Variants in PRKN observed in about 807,000 individuals in gnomAD.
The protein encoded by PRKN is E3 ubiquitin-protein ligase parkin.
Under a neutral mutation model 59.5 loss-of-function variants are expected in PRKN, and 56 were observed. The ratio of observed to expected loss-of-function variants is 0.94; its 90% confidence interval spans 0.76 to 1.18. PRKN has a LOEUF of 1.18. Ranked by LOEUF, PRKN falls within the 50% of genes most tolerant of loss-of-function variation. The pLI is 0.00. For synonymous variants in PRKN, 250 were observed against 222.1 expected, an observed-to-expected ratio of 1.13 and a Z score of -1.12; for missense variants, 657 against 596.4, an observed-to-expected ratio of 1.10 and a Z score of -1.06.
chr6:161,912,157 G>A (rs995318256), intron 6 of PRKN, among the ~76,000 whole-genome samples: 11 of 148,418 alleles, frequency 7.4e-5, no homozygotes, highest in Admixed American at 5.4e-4. Flanking sequence ...CAGCCTGGAC[G>A]ACAGAGGAGA....
At position 162,306,912 on chromosome 6, in the gene PRKN, G is replaced by C. The variant is rs562111429; in HGVS notation, c.172-44147C>G. Reference sequence around the variant, plus strand: ...ATGGACACGATCACCAGTGTGTCCAGGTGTGTTGTTTAACTCAAGTGAAAA... The same window carrying C: ...ATGGACACGATCACCAGTGTGTCCACGTGTGTTGTTTAACTCAAGTGAAAA... On this transcript the variant is annotated intron_variant, in intron 2 of 11. Transcript: ENST00000366898. Among the ~76,000 whole-genome samples the C allele has an allele frequency of 1.4e-4, 22 of 152,270 alleles. 1 individual carries two copies. In the East Asian group the frequency reaches 3.9e-3, roughly 27 times the overall value.
intron 5 of PRKN, among the ~76,000 whole-genome samples, chr6:161,981,950 C>T (rs542837385): frequency 1.3e-4 from 20 of 152,164 alleles, no homozygotes; most frequent in Non-Finnish European, 2.4e-4. Context: ...AATCAATATA[C>T]TCCACACAAA....
At chr6:161,962,726 G>A (rs1016991176) in intron 6 of PRKN, among the ~76,000 whole-genome samples, 29 of 151,748 alleles carry the variant, frequency 1.9e-4, no homozygotes, top group African/African-American at 2.7e-4. Flanking sequence ...TAGTAGAGAC[G>A]GGGGTTTGCC....
intron 1 of PRKN, among the ~76,000 whole-genome samples, chr6:162,721,454 T>C (rs911665793): frequency 1.3e-5 from 2 of 152,216 alleles, no homozygotes; most frequent in African/African-American, 4.8e-5. Context: ...ACTTTAAACC[T>C]ACCTCCTTGA....
chr6:162,432,941 G>A (rs1023072109), intron 2 of PRKN, among the ~76,000 whole-genome samples: 6 of 152,072 alleles, frequency 3.9e-5, no homozygotes, highest in Non-Finnish European at 7.4e-5. Context: ...CATTAGAATA[G>A]AATATAGTAT....
chr6:161,996,345 T>G (rs2128260704), intron 5 of PRKN, among the ~76,000 whole-genome samples: 1 of 152,302 alleles, frequency 6.6e-6, no homozygotes, highest in East Asian at 1.9e-4. Context: ...CCCATTCTGG[T>G]TACTGGACCT....
chr6:162,095,864 G>T (rs1426004399), intron 4 of PRKN, among the ~76,000 whole-genome samples: 1 of 152,116 alleles, frequency 6.6e-6, no homozygotes, highest in Admixed American at 6.6e-5. Context: ...TTCCTCATCT[G>T]TAAAATAAGG....
In PRKN at chr6:161,549,927, G is replaced by A. The variant is rs1213153557; in HGVS notation, c.934-924C>T. On this transcript the variant is annotated intron_variant, in intron 8 of 11. Transcript: ENST00000366898. This position sits in a 1 kb window ranked among gnomAD's most constrained non-coding sequence, Gnocchi z 6.0. Reference sequence around the variant, plus strand: ...AATACCGAGAGGTTAGAATGTCTAGGATTTCCAATGGTGCTAAGTGAGGAA... The same window carrying A: ...AATACCGAGAGGTTAGAATGTCTAGAATTTCCAATGGTGCTAAGTGAGGAA... 6.6e-6 allele frequency among the ~76,000 whole-genome samples: 1 copy of A among 152,192 alleles called. No individual in the cohort carries two copies. The highest frequency in any genetic ancestry group is 1.5e-5 in the Non-Finnish European group (1 of 68,046).
chr6:162,084,980 G>T (rs1050891109), intron 4 of PRKN, among the ~76,000 whole-genome samples: 2 of 151,456 alleles, frequency 1.3e-5, no homozygotes, highest in African/African-American at 2.4e-5. Context: ...AACAAAAAAG[G>T]TTAAAGTGAC....
In PRKN at chr6:161,417,083, T is replaced by A. The variant is rs927659739; in HGVS notation, c.1084-30206A>T. ...TCACCCCTCATTCAAGCTCCAGACC[T>A]GGGCCAAGAGCAAGAAGAGAGCTTG... is the stretch of plus-strand genomic sequence containing the variant. On this transcript the variant is annotated intron_variant, in intron 9 of 11. Transcript: ENST00000366898. This position sits in a 1 kb window ranked among gnomAD's most constrained non-coding sequence, Gnocchi z 5.4. Among the ~76,000 whole-genome samples the A allele has an allele frequency of 5.3e-5, 8 of 152,174 alleles. No individual in the cohort carries two copies. The highest frequency in any genetic ancestry group is 8.8e-5 in the Non-Finnish European group (6 of 68,024).
At chr6:162,514,073 TA>T (rs1317940137) in intron 1 of PRKN, among the ~76,000 whole-genome samples, 4 of 151,592 alleles carry the variant, frequency 2.6e-5, no homozygotes, top group African/African-American at 9.7e-5. Context: ...AAAAGAAAAT[TA>T]ACCTAAAAAC....
At chr6:161,936,339 G>A (rs2128241953) in intron 6 of PRKN, among the ~76,000 whole-genome samples, 1 of 151,754 alleles carries the variant, frequency 6.6e-6, no homozygotes, top group South Asian at 2.1e-4. Context: ...CTCCCAAGCA[G>A]CTGGGGACTA....
intron 3 of PRKN, among the ~76,000 whole-genome samples, chr6:162,217,934 G>A (rs889453972): frequency 6.6e-6 from 1 of 152,152 alleles, no homozygotes; most frequent in African/African-American, 2.4e-5. Flanking sequence ...AGGTGAGCAG[G>A]GGTGTGGGAA....
Position 161,789,012 on chromosome 6 carries a change from T to C in PRKN, c.735-3104A>G, listed in dbSNP as rs75385380. Reference sequence around the variant, plus strand: ...ATACACACACACGCACATACACAGATAATGTTATAAAGACGGTGTATATGT... The same window carrying C: ...ATACACACACACGCACATACACAGACAATGTTATAAAGACGGTGTATATGT... On this transcript the variant is annotated intron_variant, in intron 6 of 11. Coordinates refer to ENST00000366898, the MANE Select transcript of PRKN (RefSeq NM_004562.3). 6.6e-3 allele frequency among the ~76,000 whole-genome samples: 1,012 copies of C among 152,274 alleles called. 12 individuals carry two copies. The highest frequency in any genetic ancestry group is 0.023 in the African/African-American group (973 of 41,564).
At chr6:162,010,305 A>G (rs1782452689) in intron 5 of PRKN, among the ~76,000 whole-genome samples, 1 of 123,458 alleles carries the variant, frequency 8.1e-6, no homozygotes, top group South Asian at 2.4e-4. Flanking sequence ...TATATTTATT[A>G]TATATATTTT....
At chr6:162,458,781 T>A (rs1226511133) in intron 1 of PRKN, among the ~76,000 whole-genome samples, 1 of 152,112 alleles carries the variant, frequency 6.6e-6, no homozygotes, top group Middle Eastern at 3.2e-3. Flanking sequence ...TTAAATGACT[T>A]ATATTGAGTA....
At chr6:162,119,611 C>A (rs903361876) in intron 4 of PRKN, among the ~76,000 whole-genome samples, 1 of 152,084 alleles carries the variant, frequency 6.6e-6, no homozygotes, top group Non-Finnish European at 1.5e-5. Context: ...GGCGCGCTGT[C>A]CCAGAAGCAG....
At chr6:161,874,665 T>C (rs1794598760) in intron 6 of PRKN, among the ~76,000 whole-genome samples, 1 of 123,858 alleles carries the variant, frequency 8.1e-6, no homozygotes, top group African/African-American at 3.2e-5. Context: ...TATAATAAAA[T>C]ATATAATATA....
intron 1 of PRKN, among the ~76,000 whole-genome samples, chr6:162,451,512 C>A (rs1002936305): frequency 2.6e-5 from 4 of 151,678 alleles, no homozygotes; most frequent in African/African-American, 9.7e-5. Flanking sequence ...ATCACTTGAG[C>A]CCAGGAGTTT....
Sources: gnomAD v4.1 joint callset for allele counts (sites outside exome capture counted in the v4.1 genomes callset) on GRCh38, gnomAD v4.1.1 for gene constraint, Gnocchi (gnomAD v3.1) non-coding constraint, MANE v1.5 for transcripts, NCBI Gene and HGNC (gene_info 2026-07-23, HGNC 2026-07-21) for gene names.